IQSEC1: variants seen among roughly 807,000 people sequenced by gnomAD.
IQSEC1 encodes the protein IQ motif and SEC7 domain-containing protein 1.
A neutral mutation model predicts 91.0 loss-of-function variants in IQSEC1; 31 were observed. The observed-to-expected ratio is 0.34, with a 90% confidence interval of 0.26 to 0.46. The LOEUF (loss-of-function observed/expected upper bound fraction) is 0.46, where lower values mean the gene tolerates loss of function less well. IQSEC1 is among the 20% of genes least tolerant of loss of function. The pLI is 1.00. For missense variants in IQSEC1, 1,388 were observed against 1,575.6 expected (o/e 0.88, Z 2.02); for synonymous variants, 699 against 662.6 (o/e 1.05, Z -0.84).
chr3:13,012,566 C>A (rs2124920278), intron 1 of IQSEC1, among the ~76,000 whole-genome samples: 1 of 152,350 alleles, frequency 6.6e-6, no homozygotes, highest in Non-Finnish European at 1.5e-5. Flanking sequence ...CTACAGCTGG[C>A]CTGTCACAGG....
intron 2 of IQSEC1, among the ~76,000 whole-genome samples, chr3:13,148,356 C>T (rs899404931): frequency 6.6e-6 from 1 of 152,094 alleles, no homozygotes; most frequent in Admixed American, 6.5e-5. Context: ...TCCCCAAGCC[C>T]GGCACAGCCC....
intron 2 of IQSEC1, among the ~76,000 whole-genome samples, chr3:13,098,290 A>T (rs1471975866): frequency 5.3e-5 from 8 of 152,234 alleles, no homozygotes; most frequent in Non-Finnish European, 8.8e-5. Context: ...AAGCAAACAA[A>T]TTACAGTCTA....
chr3:13,044,016 G>T (rs965749272), intron 1 of IQSEC1, among the ~76,000 whole-genome samples: 1 of 152,130 alleles, frequency 6.6e-6, no homozygotes, highest in Non-Finnish European at 1.5e-5. Context: ...GGGAGCTGGT[G>T]CCACAAAAAA....
At chr3:12,988,400 G>A (rs576253102) in intron 1 of IQSEC1, among the ~76,000 whole-genome samples, 1 of 152,184 alleles carries the variant, frequency 6.6e-6, no homozygotes, top group African/African-American at 2.4e-5. Flanking sequence ...GGGCGACAGA[G>A]CGAGGCTCTA....
intron 1 of IQSEC1, among the ~76,000 whole-genome samples, chr3:13,253,728 C>T (rs558968824): frequency 6.6e-6 from 1 of 152,318 alleles, no homozygotes; most frequent in East Asian, 1.9e-4. Flanking sequence ...AAGATTACTG[C>T]ATGTAGGAGG....
At chr3:13,238,959 T>G (rs1576306413) in intron 1 of IQSEC1, among the ~76,000 whole-genome samples, 1 of 152,198 alleles carries the variant, frequency 6.6e-6, no homozygotes, top group East Asian at 1.9e-4. Flanking sequence ...GGAGGGGGAT[T>G]GTGCTTCAAG....
chr3:12,999,398 T>A (rs1015286347), intron 1 of IQSEC1, among the ~76,000 whole-genome samples: 7 of 152,202 alleles, frequency 4.6e-5, no homozygotes, highest in Non-Finnish European at 1.0e-4. Flanking sequence ...CTCGGCAGTG[T>A]GCTGTTCCTT....
chr3:13,095,293 C>A (rs1705935063), intron 2 of IQSEC1, among the ~76,000 whole-genome samples: 2 of 152,012 alleles, frequency 1.3e-5, no homozygotes, highest in Non-Finnish European at 2.9e-5. Flanking sequence ...CCCAGGGCAT[C>A]TCTGAGGAAC....
chr3:12,929,138 G>T (rs551840273), intron 3 of IQSEC1, among the ~76,000 whole-genome samples: 12 of 152,322 alleles, frequency 7.9e-5, no homozygotes, highest in African/African-American at 2.9e-4. Flanking sequence ...ACTTCTGGCT[G>T]GGCGACCCAG....
chr3:13,102,520 A>C (rs561201499), intron 2 of IQSEC1, among the ~76,000 whole-genome samples: 6 of 151,104 alleles, frequency 4.0e-5, no homozygotes, highest in Non-Finnish European at 5.9e-5. Context: ...TAGGCGTGAA[A>C]ACCTGTGCTT....
chr3:13,203,987 C>A (rs1214531345), intron 1 of IQSEC1, among the ~76,000 whole-genome samples: 1 of 152,224 alleles, frequency 6.6e-6, no homozygotes, highest in Non-Finnish European at 1.5e-5. Context: ...TCCAAGTGAG[C>A]CAAAGGTAGA....
chr3:12,924,011 C>T lies in IQSEC1; in HGVS notation c.1730+570G>A, dbSNP rs1257621813. Among the ~76,000 whole-genome samples, 1 of 152,202 alleles carries T rather than the reference C, an allele frequency of 6.6e-6. No homozygotes were observed. The highest frequency in any genetic ancestry group is 1.5e-5 in the Non-Finnish European group (1 of 68,038). ...GGAATCAGGAGGTGGGGGCAGGACGCACAGCCCCAATATCCCAGCCGGGAG... is the reference window on the plus strand; with the variant it reads ...GGAATCAGGAGGTGGGGGCAGGACGTACAGCCCCAATATCCCAGCCGGGAG... On this transcript the variant is annotated intron_variant, in intron 4 of 13. Transcript: ENST00000613206. The surrounding 1 kb of genome is among the most constrained non-coding windows in gnomAD (Gnocchi z 6.3).
intron 1 of IQSEC1, among the ~76,000 whole-genome samples, chr3:13,253,165 C>G (rs1300678275): frequency 6.6e-6 from 1 of 152,220 alleles, no homozygotes; most frequent in Non-Finnish European, 1.5e-5. Context: ...AAAATATTGA[C>G]TCACTTAAAC....
intron 1 of IQSEC1, among the ~76,000 whole-genome samples, chr3:13,051,918 T>C (rs1289722789): frequency 1.3e-5 from 2 of 152,148 alleles, no homozygotes; most frequent in Non-Finnish European, 2.9e-5. Flanking sequence ...AAAAAAACTG[T>C]TTATTTTGAA....
intron 2 of IQSEC1, among the ~76,000 whole-genome samples, chr3:13,117,664 A>G (rs1332855201): frequency 2.0e-5 from 3 of 148,020 alleles, no homozygotes; most frequent in South Asian, 2.2e-4. Context: ...AGGCAGGTGG[A>G]TCACAAGGAC....
chr3:12,993,725 G>A (rs906374988), intron 1 of IQSEC1, among the ~76,000 whole-genome samples: 1 of 152,238 alleles, frequency 6.6e-6, no homozygotes, highest in African/African-American at 2.4e-5. Context: ...CAGTCCCAGA[G>A]AGCGACACCG....
At chr3:13,059,424 C>T (rs975316562) in intron 1 of IQSEC1, among the ~76,000 whole-genome samples, 2 of 152,174 alleles carry the variant, frequency 1.3e-5, no homozygotes, top group African/African-American at 2.4e-5. Flanking sequence ...CCTATCACCC[C>T]CTGACCACAC....
chr3:13,090,095 G>A, intron 2 of IQSEC1, among the ~76,000 whole-genome samples: 1 of 152,026 alleles, frequency 6.6e-6, no homozygotes, highest in Non-Finnish European at 1.5e-5. Flanking sequence ...GCGTGCACCT[G>A]TAGTCCCAGC....
At chr3:12,913,612 G>T in intron 8 of IQSEC1, 59 bp from the exon 9 acceptor site, 3 of 1,550,450 alleles carry the variant, frequency 1.9e-6, no homozygotes, top group Non-Finnish European at 2.6e-6. Context: ...GAGCCCTGGG[G>T]GCCGCAGTGG....
Sources: allele counts gnomAD v4.1 joint callset (sites outside exome capture counted in the v4.1 genomes callset), GRCh38; gene constraint gnomAD v4.1.1; non-coding constraint Gnocchi (gnomAD v3.1); transcripts MANE v1.5; gene names NCBI Gene and HGNC (gene_info 2026-07-23, HGNC 2026-07-21).